SHQ1: variants seen among roughly 807,000 people sequenced by gnomAD.
SHQ1 encodes SHQ1, H/ACA ribonucleoprotein assembly factor.
A neutral mutation model predicts 53.8 loss-of-function variants in SHQ1; 49 were observed. The ratio of observed to expected loss-of-function variants is 0.91; its 90% CI spans 0.72 to 1.16. The LOEUF is 1.16. Ranked by LOEUF, SHQ1 falls within the 50% of genes most tolerant of loss-of-function variation. The pLI is 0.00. For synonymous variants in SHQ1, 243 were observed against 251.0 expected, an observed-to-expected ratio of 0.97 and a Z score of 0.30; for missense variants, 738 against 683.1, an observed-to-expected ratio of 1.08 and a Z score of -0.90.
intron 10 of SHQ1, among the ~76,000 whole-genome samples, chr3:72,765,558 T>TATATATATATATATATATA (rs1491541493): frequency 1.1e-4 from 7 of 63,464 alleles, no homozygotes; most frequent in African/African-American, 7.5e-4. Context: ...TATATATATA[T>TATATATATATATATATATA]TTTTTTTTTT....
intron 5 of SHQ1, among the ~76,000 whole-genome samples, chr3:72,827,903 C>T (rs552110838): frequency 1.3e-4 from 20 of 151,912 alleles, no homozygotes; most frequent in South Asian, 1.3e-3. Flanking sequence ...TACAGGCGCC[C>T]GCCACCATGC....
At chr3:72,759,724 C>T (rs1705572123) in intron 10 of SHQ1, among the ~76,000 whole-genome samples, 1 of 152,034 alleles carries the variant, frequency 6.6e-6, no homozygotes, top group South Asian at 2.1e-4. Context: ...AATACTTCAC[C>T]TTGAAACAAA....
the SHQ1 span, among the ~76,000 whole-genome samples, chr3:72,731,983 C>G: frequency 2.0e-5 from 3 of 151,654 alleles, no homozygotes; most frequent in African/African-American, 7.3e-5. Context: ...CACCCCCATT[C>G]AGGCTTCGGA....
rs754809327 is a variant in SHQ1 at position 72,750,437 on chromosome 3, G to A, written c.1581C>T (p.Ala527=). The part of the protein sequence containing the change: ...ESDASQGKPL[A]SSWPLGVSGP... ...CAGACACTCCAAGAGGCCAGGAAGAGGCAAGTGGCTTTCCCTGACTGGCAT... is the reference window on the plus strand; with the variant it reads ...CAGACACTCCAAGAGGCCAGGAAGAAGCAAGTGGCTTTCCCTGACTGGCAT... The change falls in exon 11 of 11, where the codon GCC becomes GCT. Residue 527 remains alanine, a synonymous_variant. Coordinates refer to ENST00000325599, the MANE Select transcript of SHQ1 (RefSeq NM_018130.3). The A allele has an allele frequency of 6.2e-7, 1 of 1,614,176 alleles. No individual in the cohort carries two copies. The highest frequency in any genetic ancestry group is 1.1e-5 in the South Asian group (1 of 91,078).
chr3:72,761,881 T>C (rs929387618), intron 10 of SHQ1, among the ~76,000 whole-genome samples: 2 of 152,200 alleles, frequency 1.3e-5, no homozygotes, highest in African/African-American at 4.8e-5. Context: ...GGTTCACAAT[T>C]ATATAGAGAG....
intron 10 of SHQ1, among the ~76,000 whole-genome samples, chr3:72,781,046 TTCTTC>T (rs1321857731): frequency 1.3e-5 from 2 of 151,594 alleles, no homozygotes; most frequent in African/African-American, 2.4e-5. Context: ...CAAGGCAATT[TTCTTC>T]TCTTTTTTTT....
intron 6 of SHQ1, among the ~76,000 whole-genome samples, chr3:72,820,991 A>G (rs184977150): frequency 1.3e-5 from 2 of 152,276 alleles, no homozygotes; most frequent in East Asian, 3.9e-4. Flanking sequence ...CTTCCTCTCT[A>G]AATCCCCCTC....
chr3:72,780,868 T>C (rs756360559), intron 10 of SHQ1, among the ~76,000 whole-genome samples: 1 of 152,188 alleles, frequency 6.6e-6, no homozygotes, highest in Non-Finnish European at 1.5e-5. Context: ...TAGAGGTGTA[T>C]TCCATCACTT....
chr3:72,748,970 C>G (rs1032370866), downstream of SHQ1, among the ~76,000 whole-genome samples: 1 of 126,382 alleles, frequency 7.9e-6, no homozygotes, highest in Non-Finnish European at 1.6e-5. Flanking sequence ...CACACGCACA[C>G]GCACACACAC....
chr3:72,808,637 T>C (rs953616542), intron 9 of SHQ1, among the ~76,000 whole-genome samples: 4 of 152,166 alleles, frequency 2.6e-5, no homozygotes, highest in African/African-American at 9.7e-5. Context: ...CACACGCAGC[T>C]GTGGTTATTA....
chr3:72,842,739 G>C (rs952047521), intron 2 of SHQ1, among the ~76,000 whole-genome samples: 1 of 152,106 alleles, frequency 6.6e-6, no homozygotes, highest in Admixed American at 6.5e-5. Flanking sequence ...GATAGAAAAA[G>C]GTTCTTAACA....
intron 3 of SHQ1, among the ~76,000 whole-genome samples, chr3:72,841,590 G>A (rs970113226): frequency 2.0e-5 from 3 of 152,106 alleles, no homozygotes; most frequent in Non-Finnish European, 2.9e-5. Context: ...AATACAGGAT[G>A]GTATTCTTCG....
chr3:72,773,129 T>A lies in SHQ1; in HGVS notation c.1181+19787A>T, dbSNP rs1230941827. Reference sequence around the variant, plus strand: ...CTTCGTGAAATTGAGCTCAAAGTCATGAAGTTTCAGGATGAGTTGGAATTT... The same window carrying A: ...CTTCGTGAAATTGAGCTCAAAGTCAAGAAGTTTCAGGATGAGTTGGAATTT... On this transcript the variant is annotated intron_variant, in intron 10 of 10. Transcript: ENST00000325599. 8 of 763,202 alleles carry A rather than the reference T, an allele frequency of 1.0e-5. No individual in the cohort carries two copies. In the Admixed American group the frequency reaches 1.5e-4, roughly 15 times the overall value. The allele number at this position is 763,202 out of a possible 1,614,324, so 47.3% of individuals were successfully genotyped here.
At chr3:72,824,174 T>C (rs538577363) in intron 6 of SHQ1, among the ~76,000 whole-genome samples, 64 of 152,268 alleles carry the variant, frequency 4.2e-4, no homozygotes, top group African/African-American at 1.4e-3. Flanking sequence ...AATAATTAAT[T>C]ATAAAAGAAC....
the SHQ1 span, among the ~76,000 whole-genome samples, chr3:72,740,042 G>A: frequency 6.6e-6 from 1 of 152,232 alleles, no homozygotes; most frequent in African/African-American, 2.4e-5. Context: ...TCTGAAGAGA[G>A]AGCTGAGCCC....
chr3:72,846,352 T>C (rs934287367), intron 1 of SHQ1: 156 of 1,508,254 alleles, frequency 1.0e-4, no homozygotes, highest in Non-Finnish European at 1.3e-4. Context: ...TGGAGTGCGA[T>C]AGCGCAATCT....
rs1315245242 is a variant in SHQ1 at position 72,763,062 on chromosome 3, C to CACACACTG, written c.1182-12227_1182-12226insCAGTGTGT. Among the ~76,000 whole-genome samples, 237 of 76,260 alleles carry CACACACTG rather than the reference C, an allele frequency of 3.1e-3. 2 individuals carry two copies. Among genetic ancestry groups the CACACACTG allele is most frequent in the African/African-American group, 8.7e-3 (226 of 25,840 alleles). The allele number at this position is 76,260 out of a possible 152,430, so 50.0% of individuals were successfully genotyped here. Reference sequence around the variant, plus strand: ...ACACACACACACACACACACACACACAGAGAGAGAGAGAGAGAGAGAGAGA... The same window carrying CACACACTG: ...ACACACACACACACACACACACACACACACACTGAGAGAGAGAGAGAGAGAGAGAGAGA... On this transcript the variant is annotated intron_variant, in intron 10 of 10. Coordinates refer to ENST00000325599, the MANE Select transcript of SHQ1 (RefSeq NM_018130.3).
intron 8 of SHQ1, chr3:72,814,353 T>C (rs3821561): frequency 0.72 from 109,291 of 152,164 alleles, 40,721 homozygotes; most frequent in African/African-American, 0.93. Flanking sequence ...CAGCACTTTT[T>C]GTCTTCAATA....
At chr3:72,764,271 C>T (rs1340918159) in intron 10 of SHQ1, among the ~76,000 whole-genome samples, 2 of 152,072 alleles carry the variant, frequency 1.3e-5, no homozygotes, top group African/African-American at 4.8e-5. Flanking sequence ...CAGCCTAGAA[C>T]TCCTAGGCTC....
Sources: allele counts gnomAD v4.1 joint callset (sites outside exome capture counted in the v4.1 genomes callset), GRCh38; gene constraint gnomAD v4.1.1; transcripts MANE v1.5; gene names NCBI Gene and HGNC (gene_info 2026-07-23, HGNC 2026-07-21).